GIPC2: variants seen among roughly 807,000 people sequenced by gnomAD.
GIPC2 encodes the protein GIPC PDZ domain containing family member 2.
In GIPC2, 30 loss-of-function variants were observed where a neutral mutation model predicts 30.6. That is an observed-to-expected ratio of 0.98 (90% confidence interval 0.73 to 1.33). The LOEUF is 1.33. Ranked by LOEUF, GIPC2 falls within the 40% of genes most tolerant of loss-of-function variation. GIPC2 has a pLI of 0.00. For synonymous variants in GIPC2, 167 were observed against 150.0 expected (o/e 1.11, Z -0.83); for missense variants, 414 against 390.3 (o/e 1.06, Z -0.51).
intron 5 of GIPC2, among the ~76,000 whole-genome samples, chr1:78,133,316 CT>C (rs1259495217): frequency 6.6e-6 from 1 of 152,090 alleles, no homozygotes; most frequent in African/African-American, 2.4e-5. Context: ...AGTCTAAGAC[CT>C]TTTTATTGAA....
chr1:78,108,267 C>T (rs1156905000), intron 3 of GIPC2, among the ~76,000 whole-genome samples: 2 of 152,160 alleles, frequency 1.3e-5, no homozygotes, highest in Non-Finnish European at 2.9e-5. Flanking sequence ...ACAGTCTCCT[C>T]TGGATTAAAG....
chr1:78,110,395 G>A (rs1662446022), intron 3 of GIPC2, among the ~76,000 whole-genome samples: 1 of 152,116 alleles, frequency 6.6e-6, no homozygotes, highest in South Asian at 2.1e-4. Context: ...ATATTTAAAA[G>A]GTTGCAACTA....
intron 4 of GIPC2, among the ~76,000 whole-genome samples, chr1:78,125,664 T>A (rs996469874): frequency 6.6e-6 from 1 of 152,236 alleles, no homozygotes; most frequent in Non-Finnish European, 1.5e-5. Context: ...CTGGCTTTTC[T>A]TTTTTGAATC....
intron 1 of GIPC2, among the ~76,000 whole-genome samples, chr1:78,046,655 G>C (rs1661093207): frequency 6.6e-6 from 1 of 152,144 alleles, no homozygotes; most frequent in Admixed American, 6.5e-5. Context: ...GCCGTTCAAG[G>C]CGTGAGCACC....
chr1:78,087,555 G>T (rs2100360341), intron 2 of GIPC2, among the ~76,000 whole-genome samples: 1 of 152,214 alleles, frequency 6.6e-6, no homozygotes, highest in South Asian at 2.1e-4. Flanking sequence ...AAATGATGCT[G>T]GCTAGCCATA....
rs1040077423 is a variant in GIPC2 at position 78,109,930 on chromosome 1, C to T, written c.608-9463C>T. 3.3e-5 allele frequency among the ~76,000 whole-genome samples: 5 copies of T among 151,836 alleles called. No homozygotes were observed. The South Asian group carries it at 6.2e-4, about 19-fold the overall frequency. The stretch of plus-strand genomic sequence containing the variant: ...GAAACCATCATTCTCAGCAAACTGT[C>T]GCAAGGACAAAACACCAAACACTGC... On this transcript the variant is annotated intron_variant, in intron 3 of 5. Transcript: ENST00000370759.
chr1:78,051,610 C>T (rs536230837), intron 1 of GIPC2, among the ~76,000 whole-genome samples: 1 of 152,218 alleles, frequency 6.6e-6, no homozygotes, highest in Admixed American at 6.5e-5. Context: ...AGTGATTCTC[C>T]TGCCTCAGCC....
At chr1:78,077,995 C>T (rs951477904) in intron 1 of GIPC2, among the ~76,000 whole-genome samples, 13 of 151,330 alleles carry the variant, frequency 8.6e-5, no homozygotes, top group African/African-American at 2.7e-4. Flanking sequence ...GAGACCATCC[C>T]GGCTAAAACG....
intron 2 of GIPC2, among the ~76,000 whole-genome samples, chr1:78,086,114 G>C (rs1260918308): frequency 3.9e-5 from 6 of 152,038 alleles, no homozygotes; most frequent in Non-Finnish European, 8.8e-5. Flanking sequence ...AGAGATTCTG[G>C]TATGTTGTAT....
chr1:78,049,591 G>A (rs1469754104), intron 1 of GIPC2, among the ~76,000 whole-genome samples: 2 of 152,164 alleles, frequency 1.3e-5, no homozygotes, highest in Admixed American at 1.3e-4. Context: ...TACATGAAGA[G>A]CTAGCCACTC....
chr1:78,066,123 G>GA (rs1383302010), intron 1 of GIPC2, among the ~76,000 whole-genome samples: 6 of 152,026 alleles, frequency 3.9e-5, no homozygotes, highest in Admixed American at 3.3e-4. Flanking sequence ...GAGAATTGGA[G>GA]AAAATATTTG....
At chr1:78,077,040 C>G (rs1362027039) in intron 1 of GIPC2, among the ~76,000 whole-genome samples, 1 of 151,916 alleles carries the variant, frequency 6.6e-6, no homozygotes, top group Non-Finnish European at 1.5e-5. Flanking sequence ...AAAGTAATCC[C>G]AAAGCCTGGG....
chr1:78,078,207 A>AAC (rs1661755604), intron 1 of GIPC2, among the ~76,000 whole-genome samples: 1 of 151,586 alleles, frequency 6.6e-6, no homozygotes, highest in South Asian at 2.1e-4. Flanking sequence ...AAAAAAAAAA[A>AAC]AAACCTAGTG....
At chr1:78,116,626 C>A (rs545987226) in intron 3 of GIPC2, among the ~76,000 whole-genome samples, 2 of 152,110 alleles carry the variant, frequency 1.3e-5, no homozygotes, top group South Asian at 4.2e-4. Flanking sequence ...TGTCCTTACG[C>A]TAGTTTGCTG....
chr1:78,083,051 G>A (rs981046039), intron 2 of GIPC2, among the ~76,000 whole-genome samples: 2 of 152,050 alleles, frequency 1.3e-5, no homozygotes, highest in African/African-American at 4.8e-5. Context: ...AATTCATACA[G>A]TCTAATATTG....
rs115021180 is a variant in GIPC2 at position 78,084,214 on chromosome 1, A to G, written c.426+3354A>G. Among the ~76,000 whole-genome samples the G allele has an allele frequency of 3.8e-3, 577 of 152,300 alleles. 2 individuals are homozygous for G. Among genetic ancestry groups the G allele is most frequent in the African/African-American group, 0.013 (547 of 41,556 alleles). On this transcript the variant is annotated intron_variant, in intron 2 of 5. Coordinates refer to ENST00000370759, the MANE Select transcript of GIPC2 (RefSeq NM_017655.6). ...AGTGGTAGAATTAGAGAACATGTTT[A>G]TTAGAAGTTATGAATTGGGCCAGGC...
At chr1:78,128,813 C>T (rs965152670) in intron 5 of GIPC2, among the ~76,000 whole-genome samples, 1 of 151,808 alleles carries the variant, frequency 6.6e-6, no homozygotes, top group Non-Finnish European at 1.5e-5. Context: ...GAGATGAGAC[C>T]CTGTCTCTAC....
intron 3 of GIPC2, among the ~76,000 whole-genome samples, chr1:78,110,165 A>C (rs11589864): frequency 0.4 from 59,881 of 151,468 alleles, 14,419 homozygotes; most frequent in African/African-American, 0.67. Flanking sequence ...TGCACATGTA[A>C]CCTAAAACTT....
chr1:78,072,982 TG>T (rs1490981486), intron 1 of GIPC2, among the ~76,000 whole-genome samples: 18 of 139,924 alleles, frequency 1.3e-4, no homozygotes, highest in Non-Finnish European at 2.7e-4. Context: ...TTTTTTTTTT[TG>T]CATTTTTAGT....
Sources: gnomAD v4.1 joint callset for allele counts (sites outside exome capture counted in the v4.1 genomes callset) on GRCh38, gnomAD v4.1.1 for gene constraint, MANE v1.5 for transcripts, NCBI Gene and HGNC (gene_info 2026-07-23, HGNC 2026-07-21) for gene names.